The following RRP15 variants were observed in gnomAD, a reference collection of about 807,000 sequenced individuals.
RRP15 encodes the protein ribosomal RNA processing 15 homolog, also known as RRP15-like protein.
In RRP15, 18 loss-of-function variants were observed where a neutral mutation model predicts 27.1. The ratio of observed to expected loss-of-function variants is 0.66; its 90% CI spans 0.46 to 0.98. The LOEUF (loss-of-function observed/expected upper bound fraction) is 0.98. RRP15 is among the 50% of genes least tolerant of loss of function. The pLI is 0.00. For synonymous variants in RRP15, 107 were observed against 109.4 expected, an observed-to-expected ratio of 0.98 and a Z score of 0.14; for missense variants, 359 against 337.8, an observed-to-expected ratio of 1.06 and a Z score of -0.49.
intron 4 of RRP15, among the ~76,000 whole-genome samples, chr1:218,326,188 C>A (rs1656269163): frequency 6.6e-6 from 1 of 152,096 alleles, no homozygotes. Context: ...TGCCTGTAAT[C>A]CCAGCTACTC....
chr1:218,292,533 A>G (rs1209379107), intron 1 of RRP15, among the ~76,000 whole-genome samples: 1 of 151,790 alleles, frequency 6.6e-6, no homozygotes, highest in Non-Finnish European at 1.5e-5. Context: ...GTGTGCATGT[A>G]GGGAGACTCC....
chr1:218,316,956 C>T lies in RRP15; in HGVS notation c.705+9324C>T, dbSNP rs1207088485. Among the ~76,000 whole-genome samples, 3 of 152,200 alleles carry T rather than the reference C, an allele frequency of 2.0e-5. No homozygotes were observed. The East Asian group carries it at 5.8e-4, about 29-fold the overall frequency. On this transcript the variant is annotated intron_variant, in intron 4 of 4. Coordinates refer to ENST00000366932, the MANE Select transcript of RRP15 (RefSeq NM_016052.4). ...GTTAGGTGTGATGGCTCTAGTAATG[C>T]ATAATTCTTAGAAAATATAAAACTA...
chr1:218,323,460 G>C (rs770295531), intron 4 of RRP15, among the ~76,000 whole-genome samples: 1 of 152,122 alleles, frequency 6.6e-6, no homozygotes, highest in African/African-American at 2.4e-5. Context: ...TAGAGGAGAG[G>C]AACTGAGTAC....
Position 218,302,489 on chromosome 1 carries a change from T to G in RRP15, c.335T>G (p.Leu112Arg), listed in dbSNP as rs1011044821. The G allele has an allele frequency of 1.4e-5, 23 of 1,613,848 alleles. No individual in the cohort carries two copies. Among genetic ancestry groups the G allele is most frequent in the Non-Finnish European group, 1.8e-5 (21 of 1,179,986 alleles). The change falls in exon 2 of 5, where the codon CTG becomes CGG. Residue 112 changes from leucine (L) to arginine (R), a missense_variant. Transcript: ENST00000366932. The stretch of plus-strand genomic sequence containing the variant: ...ACTCCTGAAAGTAAACCTACTATTC[T>G]GGTCAAAAATAAGAAGCTGGAAAAG... ...KKTPESKPTILVKNKKLEKEK... is the reference protein window; with the variant it reads ...KKTPESKPTIRVKNKKLEKEK...
chr1:218,312,481 A>G (rs1217969378), intron 4 of RRP15, among the ~76,000 whole-genome samples: 4 of 152,072 alleles, frequency 2.6e-5, no homozygotes, highest in Non-Finnish European at 4.4e-5. Flanking sequence ...GGATGTGAGA[A>G]GACATAAAAA....
intron 4 of RRP15, among the ~76,000 whole-genome samples, chr1:218,308,862 C>T (rs1285113554): frequency 6.6e-6 from 1 of 152,208 alleles, no homozygotes; most frequent in East Asian, 1.9e-4. Context: ...TGTATTCTCG[C>T]TAGTAACATT....
Position 218,302,576 on chromosome 1 carries a change from C to G in RRP15, c.405+17C>G, listed in dbSNP as rs760472487. On this transcript the variant is annotated intron_variant, in intron 2 of 4. Coordinates refer to ENST00000366932, the MANE Select transcript of RRP15 (RefSeq NM_016052.4). The stretch of plus-strand genomic sequence containing the variant: ...ATAAAACAGGTATGTTCCACCAGTT[C>G]TCTTGTAGATTAGATTGTTTGTCTA... 5 of 1,606,226 alleles carry G rather than the reference C, an allele frequency of 3.1e-6. No homozygotes were observed. The highest frequency in any genetic ancestry group is 1.3e-5 in the African/African-American group (1 of 74,378).
intron 1 of RRP15, among the ~76,000 whole-genome samples, chr1:218,299,801 T>C (rs1055401163): frequency 1.3e-5 from 2 of 152,186 alleles, no homozygotes; most frequent in Admixed American, 1.3e-4. Context: ...GTAAAACATA[T>C]ACAGTATTAA....
chr1:218,327,707 C>G (rs1553289972), intron 4 of RRP15, among the ~76,000 whole-genome samples: 1 of 151,958 alleles, frequency 6.6e-6, no homozygotes, highest in Non-Finnish European at 1.5e-5. Context: ...TCTATTGTGT[C>G]TTTTTTTTCC....
At chr1:218,289,466 A>G (rs975366263) in intron 1 of RRP15, among the ~76,000 whole-genome samples, 6 of 152,210 alleles carry the variant, frequency 3.9e-5, no homozygotes, top group African/African-American at 1.4e-4. Flanking sequence ...ATCAGTGATA[A>G]CGATGTTGAT....
chr1:218,321,944 T>C (rs540808288), intron 4 of RRP15, among the ~76,000 whole-genome samples: 10 of 152,298 alleles, frequency 6.6e-5, no homozygotes, highest in South Asian at 2.1e-4. Flanking sequence ...GGAAAAGATA[T>C]AGCAAATTGA....
Position 218,285,404 on chromosome 1 carries a change from G to C in RRP15, c.88G>C (p.Ala30Pro). 1 of 1,614,216 alleles carries C rather than the reference G, an allele frequency of 6.2e-7. No homozygotes were observed. The highest frequency in any genetic ancestry group is 1.3e-5 in the African/African-American group (1 of 75,060). Residue 30 changes from alanine (A) to proline (P), a missense_variant, in exon 1 of 5, where the codon GCC becomes CCC. Coordinates refer to ENST00000366932, the MANE Select transcript of RRP15 (RefSeq NM_016052.4). ...GAAGAAGATGAAAATGGTAACTGGAGCCGTAGCGTCGGTGCTGGAAGACGA... is the reference window on the plus strand; with the variant it reads ...GAAGAAGATGAAAATGGTAACTGGACCCGTAGCGTCGGTGCTGGAAGACGA... ...PKKKMKMVTGAVASVLEDEAT... is the reference protein window; with the variant it reads ...PKKKMKMVTGPVASVLEDEAT...
At chr1:218,295,249 A>T (rs934248022) in intron 1 of RRP15, among the ~76,000 whole-genome samples, 1 of 152,166 alleles carries the variant, frequency 6.6e-6, no homozygotes, top group Non-Finnish European at 1.5e-5. Flanking sequence ...AGCTACTCAG[A>T]TTTATGGAAG....
chr1:218,310,894 G>A (rs962955688), intron 4 of RRP15, among the ~76,000 whole-genome samples: 20 of 151,806 alleles, frequency 1.3e-4, no homozygotes, highest in African/African-American at 4.6e-4. Context: ...GATTACAGGC[G>A]TGCACCACCA....
intron 4 of RRP15, among the ~76,000 whole-genome samples, chr1:218,320,104 C>T (rs1289375414): frequency 6.7e-6 from 1 of 149,220 alleles, no homozygotes; most frequent in Non-Finnish European, 1.5e-5. Flanking sequence ...TACATGTGCA[C>T]AATGTGCAGG....
rs749451281 is a variant in RRP15 at position 218,302,383 on chromosome 1, GA to G, written c.233del (p.Asn78MetfsTer48). On this transcript the variant is annotated frameshift_variant, in exon 2 of 5. Transcript: ENST00000366932. LOFTEE classifies it high-confidence loss of function. ...SEGDAEPCDK[E>X]NENDGESSVG... Reference sequence around the variant, plus strand: ...GGGTGATGCTGAGCCCTGTGACAAAGAAAATGAAAATGATGGAGAATCAAGT... The same window carrying G: ...GGGTGATGCTGAGCCCTGTGACAAAGAAATGAAAATGATGGAGAATCAAGT... 1 of 1,614,080 alleles carries G rather than the reference GA, an allele frequency of 6.2e-7. No individual in the cohort carries two copies. Among genetic ancestry groups the G allele is most frequent in the African/African-American group, 1.3e-5 (1 of 75,044 alleles).
intron 4 of RRP15, among the ~76,000 whole-genome samples, chr1:218,327,344 C>T (rs1571809901): frequency 6.6e-6 from 1 of 152,166 alleles, no homozygotes; most frequent in Non-Finnish European, 1.5e-5. Flanking sequence ...AGTCTTACTC[C>T]GTCGCTCAGG....
At chr1:218,307,716 A>C (rs1369996765) in intron 4 of RRP15, 84 bp downstream of exon 4, 2 of 931,520 alleles carry the variant, frequency 2.1e-6, no homozygotes, top group African/African-American at 3.4e-5. Flanking sequence ...CTATAGAATT[A>C]CAGAGTTTTG....
chr1:218,337,339 C>T lies in RRP15; in HGVS notation c.*6248C>T, dbSNP rs548245134. 18 of 152,196 alleles carry T rather than the reference C, an allele frequency of 1.2e-4. No homozygotes were observed. Among genetic ancestry groups the T allele is most frequent in the Non-Finnish European group, 2.1e-4 (14 of 68,020 alleles). 9.4% of individuals were successfully genotyped at this position (152,196 alleles called of 1,614,324 possible). A position where few individuals can be genotyped will look rare whatever the true frequency, so the allele number is the denominator to read the frequency against. ...TTATTGAGGCCCAGCAATTCTACTT[C>T]TGGAAACCTTCCTCAGGAAAAGATT... On this transcript the variant is annotated 3_prime_UTR_variant, in exon 5 of 5. Transcript: ENST00000366932.
Sources: gnomAD v4.1 joint callset for allele counts (sites outside exome capture counted in the v4.1 genomes callset) on GRCh38, gnomAD v4.1.1 for gene constraint, MANE v1.5 for transcripts, NCBI Gene and HGNC (gene_info 2026-07-23, HGNC 2026-07-21) for gene names.